Variants in TMEM200A observed in about 807,000 individuals in gnomAD.
The protein encoded by TMEM200A is two transmembrane C.
A neutral mutation model predicts 24.3 loss-of-function variants in TMEM200A; 12 were observed. The observed-to-expected ratio is 0.49, with a 90% CI of 0.32 to 0.80. The LOEUF (loss-of-function observed/expected upper bound fraction) is 0.80, where lower values mean the gene tolerates loss of function less well. TMEM200A is among the 30% of genes least tolerant of loss of function. TMEM200A has a pLI of 0.04. For synonymous variants in TMEM200A, 224 were observed against 224.4 expected (o/e 1.00, Z 0.02); for missense variants, 545 against 614.4 (o/e 0.89, Z 1.19).
At chr6:130,388,426 A>G (rs72992466) in intron 2 of TMEM200A, among the ~76,000 whole-genome samples, 15,463 of 152,262 alleles carry the variant, frequency 0.1, 1,013 homozygotes, top group Admixed American at 0.15. Flanking sequence ...TCTGCCCTCA[A>G]TAAGGAACAT....
chr6:130,382,770 T>G (rs1583179670), intron 1 of TMEM200A, among the ~76,000 whole-genome samples: 1 of 152,138 alleles, frequency 6.6e-6, no homozygotes, highest in East Asian at 1.9e-4. Flanking sequence ...GAGTGCTTGA[T>G]TTTTGGAGAC....
At chr6:130,402,085 A>C (rs1049985080) in intron 2 of TMEM200A, among the ~76,000 whole-genome samples, 1 of 151,270 alleles carries the variant, frequency 6.6e-6, no homozygotes, top group African/African-American at 2.4e-5. Flanking sequence ...AAAAAAAAAA[A>C]CCTTAAGGCT....
chr6:130,442,770 A>C lies in TMEM200A; in HGVS notation c.*872A>C, dbSNP rs1487758808. On this transcript the variant is annotated 3_prime_UTR_variant, in exon 3 of 3. Transcript: ENST00000296978. ...CTAGTCTCAGTACCTGTTTTTAGCC[A>C]TCTGTTACTGTCCAATAGCACCTCA... The C allele has an allele frequency of 1.2e-5, 2 of 167,062 alleles. No individual in the cohort carries two copies. Among genetic ancestry groups the C allele is most frequent in the Non-Finnish European group, 2.9e-5 (2 of 68,090 alleles). 10.3% of individuals were successfully genotyped at this position (167,062 alleles called of 1,614,324 possible). A position where few individuals can be genotyped will look rare whatever the true frequency, so the allele number is the denominator to read the frequency against.
intron 2 of TMEM200A, among the ~76,000 whole-genome samples, chr6:130,426,941 C>T (rs1779758628): frequency 6.6e-6 from 1 of 152,150 alleles, no homozygotes; most frequent in Non-Finnish European, 1.5e-5. Flanking sequence ...GAATTGTTTT[C>T]AGTGTTTCAA....
chr6:130,402,838 T>A (rs1779119623), intron 2 of TMEM200A, among the ~76,000 whole-genome samples: 1 of 152,120 alleles, frequency 6.6e-6, no homozygotes, highest in South Asian at 2.1e-4. Flanking sequence ...TTTATAAATA[T>A]CCCTATCCTC....
chr6:130,409,359 A>G (rs1217522368), intron 2 of TMEM200A, among the ~76,000 whole-genome samples: 2 of 152,208 alleles, frequency 1.3e-5, no homozygotes, highest in Non-Finnish European at 2.9e-5. Flanking sequence ...TATGAAATAA[A>G]CTTTATAAAA....
intron 2 of TMEM200A, among the ~76,000 whole-genome samples, chr6:130,407,997 G>C (rs1779243182): frequency 6.6e-6 from 1 of 152,172 alleles, no homozygotes; most frequent in South Asian, 2.1e-4. Flanking sequence ...CCTATTTTGA[G>C]CACTTACTAT....
At chr6:130,397,434 ATTACT>A (rs1426757147) in intron 2 of TMEM200A, among the ~76,000 whole-genome samples, 3 of 152,038 alleles carry the variant, frequency 2.0e-5, no homozygotes, top group African/African-American at 7.2e-5. Context: ...CAGATTTAAG[ATTACT>A]TTATTTTAAT....
chr6:130,365,916 G>C (rs1393826385), upstream of TMEM200A: 1 of 985,642 alleles, frequency 1.0e-6, no homozygotes, highest in African/African-American at 1.7e-5. Flanking sequence ...GCACGGTCCG[G>C]GGTCGCAGGC....
intron 2 of TMEM200A, among the ~76,000 whole-genome samples, chr6:130,390,620 T>C (rs557843866): frequency 3.2e-4 from 48 of 152,304 alleles, no homozygotes; most frequent in African/African-American, 1.1e-3. Context: ...CTCCATAGCA[T>C]AGAGGGGAAT....
Position 130,366,446 on chromosome 6 carries a change from C to T in TMEM200A, c.-159C>T. 1.0e-6 allele frequency: 1 copy of T among 985,630 alleles called. No homozygotes were observed. The highest frequency in any genetic ancestry group is 1.2e-6 in the Non-Finnish European group (1 of 830,070). The allele number at this position is 985,630 out of a possible 1,614,324, so 61.1% of individuals were successfully genotyped here. A position where few individuals can be genotyped will look rare whatever the true frequency, so the allele number is the denominator to read the frequency against. ...GTCCGCCTCCAGAGGCGCCCGACGTCCCGACAGCTCCTGGAGTGAGACCAG... is the reference window on the plus strand; with the variant it reads ...GTCCGCCTCCAGAGGCGCCCGACGTTCCGACAGCTCCTGGAGTGAGACCAG... On this transcript the variant is annotated 5_prime_UTR_variant, in exon 1 of 3. Transcript: ENST00000296978. This position sits in a 1 kb window ranked among gnomAD's most constrained non-coding sequence, Gnocchi z 4.4.
intron 1 of TMEM200A, among the ~76,000 whole-genome samples, chr6:130,383,650 G>A (rs1778651147): frequency 1.3e-5 from 2 of 152,096 alleles, no homozygotes; most frequent in South Asian, 4.1e-4. Flanking sequence ...AATCACAGGT[G>A]GTTGGCATCA....
chr6:130,401,119 A>G lies in TMEM200A; in HGVS notation c.-17+15883A>G, dbSNP rs540326345. Among the ~76,000 whole-genome samples, 7 of 152,052 alleles carry G rather than the reference A, an allele frequency of 4.6e-5. No homozygotes were observed. The East Asian group carries it at 1.4e-3, about 29-fold the overall frequency. ...ATGCATTAACCTTTTTTGTTTTTAT[A>G]GTTTATTCAGCAATTCTGTGTCTTT... On this transcript the variant is annotated intron_variant, in intron 2 of 2. Coordinates refer to ENST00000296978, the MANE Select transcript of TMEM200A (RefSeq NM_001258277.2).
At chr6:130,377,189 A>G (rs1778478574) in intron 1 of TMEM200A, among the ~76,000 whole-genome samples, 2 of 152,324 alleles carry the variant, frequency 1.3e-5, no homozygotes, top group East Asian at 1.9e-4. Flanking sequence ...ATAAGATGAT[A>G]TATGGGACTC....
intron 2 of TMEM200A, among the ~76,000 whole-genome samples, chr6:130,397,857 CAAT>C (rs1004342482): frequency 6.6e-5 from 10 of 150,854 alleles, no homozygotes; most frequent in East Asian, 3.9e-4. Context: ...ATATCCTTTG[CAAT>C]AATAATAATT....
intron 2 of TMEM200A, among the ~76,000 whole-genome samples, chr6:130,423,739 A>C (rs1779659010): frequency 1.3e-5 from 2 of 152,096 alleles, no homozygotes; most frequent in African/African-American, 4.8e-5. Flanking sequence ...AAACACCAGA[A>C]ATTATGCCTC....
At position 130,366,520 on chromosome 6, in the gene TMEM200A, G is replaced by C. The variant is rs865981444; in HGVS notation, c.-85G>C. The C allele has an allele frequency of 1.0e-6, 1 of 985,470 alleles. No homozygotes were observed. Among genetic ancestry groups the C allele is most frequent in the African/African-American group, 1.7e-5 (1 of 57,208 alleles). 61.0% of individuals were successfully genotyped at this position (985,470 alleles called of 1,614,324 possible). A position where few individuals can be genotyped will look rare whatever the true frequency, so the allele number is the denominator to read the frequency against. ...CCGACCCCCAGGGCCCGGTGCTCAGGACAGGTGAGGGGAAGGAAAGGGTGC... is the reference window on the plus strand; with the variant it reads ...CCGACCCCCAGGGCCCGGTGCTCAGCACAGGTGAGGGGAAGGAAAGGGTGC... On this transcript the variant is annotated 5_prime_UTR_variant, in exon 1 of 3. Transcript: ENST00000296978. The surrounding 1 kb of genome is among the most constrained non-coding windows in gnomAD (Gnocchi z 4.4).
At position 130,366,504 on chromosome 6, in the gene TMEM200A, A is replaced by G; in HGVS notation, c.-101A>G. 2 of 983,684 alleles carry G rather than the reference A, an allele frequency of 2.0e-6. No individual in the cohort carries two copies. The highest frequency in any genetic ancestry group is 4.7e-5 in the South Asian group (1 of 21,120). 60.9% of individuals were successfully genotyped at this position (983,684 alleles called of 1,614,324 possible). A position where few individuals can be genotyped will look rare whatever the true frequency, so the allele number is the denominator to read the frequency against. ...AACAGGGAGAGGCGACCCGACCCCC[A>G]GGGCCCGGTGCTCAGGACAGGTGAG... On this transcript the variant is annotated 5_prime_UTR_variant, in exon 1 of 3. Coordinates refer to ENST00000296978, the MANE Select transcript of TMEM200A (RefSeq NM_001258277.2). This position sits in a 1 kb window ranked among gnomAD's most constrained non-coding sequence, Gnocchi z 4.4.
chr6:130,430,531 ACAGAAATAGTC>A (rs1362939787), intron 2 of TMEM200A, among the ~76,000 whole-genome samples: 1 of 152,200 alleles, frequency 6.6e-6, no homozygotes, highest in African/African-American at 2.4e-5. Context: ...AAAGATGAAA[ACAGAAATAGTC>A]CAGAAATAGT....
Sources: allele counts gnomAD v4.1 joint callset (sites outside exome capture counted in the v4.1 genomes callset), GRCh38; gene constraint gnomAD v4.1.1; non-coding constraint Gnocchi (gnomAD v3.1); transcripts MANE v1.5; gene names NCBI Gene and HGNC (gene_info 2026-07-23, HGNC 2026-07-21).